Variants in NDP observed in about 807,000 individuals in gnomAD.
NDP encodes norrin cystine knot growth factor NDP, also known as norrin.
Under a neutral mutation model 8.4 loss-of-function variants are expected in NDP, and 2 were observed. The observed-to-expected ratio is 0.24, with a 90% CI of 0.10 to 0.75. The LOEUF (loss-of-function observed/expected upper bound fraction) is 0.75, where lower values mean the gene tolerates loss of function less well. Ranked by LOEUF, NDP falls within the 30% of genes least tolerant of loss-of-function variation. The pLI is 0.73. For missense variants in NDP, 81 were observed against 110.1 expected (o/e 0.74, Z 1.18); for synonymous variants, 55 against 45.6 (o/e 1.21, Z -0.83).
At chrX:43,960,169 C>T (rs1377062632) in intron 1 of NDP, among the ~76,000 whole-genome samples, 9 of 111,504 alleles carry the variant, frequency 8.1e-5, no homozygotes, top group Admixed American at 2.9e-4. Context: ...CAGGGAAGTC[C>T]TATAAATTGC....
chrX:43,951,978 GTTTGT>G (rs1387256340), intron 2 of NDP, among the ~76,000 whole-genome samples: 3 of 111,692 alleles, frequency 2.7e-5, no homozygotes, highest in Non-Finnish European at 5.7e-5. Context: ...ATGATTGTTT[GTTTGT>G]TTTGTTTTGT....
intron 2 of NDP, among the ~76,000 whole-genome samples, chrX:43,950,458 CAAAAA>C (rs11292831): frequency 2.0e-4 from 12 of 59,282 alleles, no homozygotes; most frequent in African/African-American, 6.9e-4. Context: ...AAATGACTAC[CAAAAA>C]AAAAAAAAAA....
In NDP at chrX:43,958,641, C is replaced by A. The variant is rs369355373; in HGVS notation, c.5G>T (p.Arg2Ile). 3.5e-5 allele frequency: 42 copies of A among 1,209,206 alleles called. No individual in the cohort carries two copies. The highest frequency in any genetic ancestry group is 2.2e-6 in the Non-Finnish European group (2 of 894,320). The change falls in exon 2 of 3, where the codon AGA (arginine) becomes ATA (isoleucine). Residue 2 changes from arginine to isoleucine, a missense_variant. Transcript: ENST00000642620. Reference protein sequence around the residue: MRKHVLAASFSM... With the variant: MIKHVLAASFSM... ...AAAGGATGCAGCTAGTACATGTTTT[C>A]TCATTGTTGTAAGGAAAAACTTCTC...
chrX:43,966,884 C>T (rs777005529), intron 1 of NDP, among the ~76,000 whole-genome samples: 1 of 111,701 alleles, frequency 9.0e-6, no homozygotes, highest in East Asian at 2.8e-4. Context: ...CTGTAGAGCC[C>T]TTAGTTAGGA....
chrX:43,970,882 C>CT (rs2035887809), intron 1 of NDP, among the ~76,000 whole-genome samples: 1 of 111,862 alleles, frequency 8.9e-6, no homozygotes, highest in Non-Finnish European at 1.9e-5. Flanking sequence ...AAACTACTGT[C>CT]TTTTTCCGGG....
rs715304 is a variant in NDP, at chrX:43,964,297, G to A, written c.-207-5445C>T. Among the ~76,000 whole-genome samples, 660 of 111,416 alleles carry A rather than the reference G, an allele frequency of 5.9e-3. 20 individuals are homozygous for A. The highest frequency in any genetic ancestry group is 0.054 in the Admixed American group (571 of 10,501). ...GAAACAAAAAGGATGGAGGAATATG[G>A]CCAGGGAAAGAGGCAATGAATTACA... is the stretch of plus-strand genomic sequence containing the variant. On this transcript the variant is annotated intron_variant, in intron 1 of 2. Coordinates refer to ENST00000642620, the MANE Select transcript of NDP (RefSeq NM_000266.4).
intron 2 of NDP, chrX:43,953,330 C>T (rs2035773370): frequency 8.9e-6 from 1 of 112,524 alleles, no homozygotes; most frequent in Admixed American, 9.4e-5. Context: ...ACTTGAACAT[C>T]TCCTGATCTC....
chrX:43,969,759 C>T (rs1234253565), intron 1 of NDP: 1 of 111,973 alleles, frequency 8.9e-6, no homozygotes, highest in Non-Finnish European at 1.9e-5. Context: ...TGGAACAGGA[C>T]CCAAGCTGTC....
At chrX:43,957,062 C>CT (rs2035797815) in intron 2 of NDP, among the ~76,000 whole-genome samples, 1 of 111,528 alleles carries the variant, frequency 9.0e-6, no homozygotes, top group African/African-American at 3.3e-5. Flanking sequence ...ATTTTAATTC[C>CT]TTTTTTTAAA....
intron 1 of NDP, among the ~76,000 whole-genome samples, chrX:43,961,597 G>A (rs1399247758): frequency 1.8e-5 from 2 of 111,583 alleles, no homozygotes; most frequent in East Asian, 5.6e-4. Flanking sequence ...ACAGGCATGA[G>A]AGAAAGACTT....
chrX:43,962,195 G>T (rs2035829983), intron 1 of NDP, among the ~76,000 whole-genome samples: 1 of 110,529 alleles, frequency 9.0e-6, no homozygotes, highest in African/African-American at 3.3e-5. Flanking sequence ...AAGCAACAAT[G>T]TAAATATGCC....
chrX:43,966,177 A>G (rs1038487435), intron 1 of NDP, among the ~76,000 whole-genome samples: 1 of 111,990 alleles, frequency 8.9e-6, no homozygotes, highest in Non-Finnish European at 1.9e-5. Flanking sequence ...CTACCCAAAT[A>G]AAAGCTGTGA....
chrX:43,957,714 G>T (rs955772659), intron 2 of NDP, among the ~76,000 whole-genome samples: 2 of 105,915 alleles, frequency 1.9e-5, no homozygotes, highest in African/African-American at 3.5e-5. Context: ...TCTGAGGTTG[G>T]GCTAAACAAA....
chrX:43,964,265 G>C (rs185412121), intron 1 of NDP, among the ~76,000 whole-genome samples: 20 of 111,758 alleles, frequency 1.8e-4, no homozygotes, highest in African/African-American at 5.9e-4. Flanking sequence ...GAAGAAAAGA[G>C]ATGGGAGAAA....
intron 1 of NDP, among the ~76,000 whole-genome samples, chrX:43,968,985 G>A (rs1272065286): frequency 9.0e-6 from 1 of 111,706 alleles, no homozygotes; most frequent in Non-Finnish European, 1.9e-5. Context: ...ATAGGAAGCC[G>A]CCTGGTGGCT....
In NDP at chrX:43,965,152, T is replaced by C. The variant is rs1449379438; in HGVS notation, c.-207-6300A>G. On this transcript the variant is annotated intron_variant, in intron 1 of 2. Coordinates refer to ENST00000642620, the MANE Select transcript of NDP (RefSeq NM_000266.4). ...GAAGTGGGCCAAGTGCAGCGGCTCA[T>C]GCCTGTAAACCCAGCACTTTAGAAG... Among the ~76,000 whole-genome samples the C allele has an allele frequency of 2.7e-5, 3 of 112,147 alleles. No homozygotes were observed. The East Asian group carries it at 8.4e-4, about 31-fold the overall frequency.
At chrX:43,957,083 G>A (rs753524668) in intron 2 of NDP, among the ~76,000 whole-genome samples, 2 of 111,355 alleles carry the variant, frequency 1.8e-5, no homozygotes, top group South Asian at 3.8e-4. Context: ...AAAGAATCAC[G>A]ATTATGGAGG....
At chrX:43,971,615 T>C (rs1351325520) in intron 1 of NDP, among the ~76,000 whole-genome samples, 1 of 111,812 alleles carries the variant, frequency 8.9e-6, no homozygotes, top group Non-Finnish European at 1.9e-5. Flanking sequence ...GTTCAAATAC[T>C]CTCATGTAAT....
intron 1 of NDP, among the ~76,000 whole-genome samples, chrX:43,965,293 C>T (rs191791006): frequency 2.7e-5 from 3 of 110,504 alleles, no homozygotes; most frequent in East Asian, 2.9e-4. Flanking sequence ...GTGGTACACG[C>T]TTGTCATCCC....
Sources: allele counts gnomAD v4.1 joint callset (sites outside exome capture counted in the v4.1 genomes callset), GRCh38; gene constraint gnomAD v4.1.1; transcripts MANE v1.5; gene names NCBI Gene and HGNC (gene_info 2026-07-23, HGNC 2026-07-21).